The following TIMP3 variants were observed in gnomAD, a reference collection of about 807,000 sequenced individuals.
The protein encoded by TIMP3 is metalloproteinase inhibitor 3.
TIMP3 carries 11 observed loss-of-function variants against 30.0 expected under a neutral mutation model. The observed-to-expected ratio is 0.37, with a 90% CI of 0.23 to 0.61. The LOEUF is 0.61. TIMP3 is among the 20% of genes least tolerant of loss of function. TIMP3 has a pLI of 0.70. For missense variants in TIMP3, 181 were observed against 276.8 expected, an observed-to-expected ratio of 0.65 and a Z score of 2.45; for synonymous variants, 112 against 111.3, an observed-to-expected ratio of 1.01 and a Z score of -0.04.
intron 1 of TIMP3, among the ~76,000 whole-genome samples, chr22:32,815,686 T>C (rs957983955): frequency 2.0e-5 from 3 of 152,182 alleles, no homozygotes; most frequent in Admixed American, 6.5e-5. Flanking sequence ...AAATTATTAG[T>C]GTTATCATCC....
intron 1 of TIMP3, among the ~76,000 whole-genome samples, chr22:32,814,766 G>A (rs2047042948): frequency 6.6e-6 from 1 of 152,020 alleles, no homozygotes; most frequent in African/African-American, 2.4e-5. Flanking sequence ...TTTCTTACTG[G>A]GTGGCTCACA....
intron 2 of TIMP3, among the ~76,000 whole-genome samples, chr22:32,852,415 C>T (rs1312127534): frequency 6.6e-6 from 1 of 152,084 alleles, no homozygotes; most frequent in Non-Finnish European, 1.5e-5. Context: ...TTGTAATATC[C>T]TGCAAAGGGT....
chr22:32,855,755 A>G (rs2048346055), intron 2 of TIMP3, among the ~76,000 whole-genome samples: 1 of 152,216 alleles, frequency 6.6e-6, no homozygotes, highest in Admixed American at 6.5e-5. Context: ...TGTGACAACC[A>G]AAATTGTCTC....
intron 1 of TIMP3, chr22:32,833,776 A>T: frequency 4.0e-6 from 2 of 498,626 alleles, no homozygotes; most frequent in Middle Eastern, 6.4e-4. Context: ...AAGATGGGCT[A>T]ATGACAACAC....
At chr22:32,857,469 G>A in intron 3 of TIMP3, 109 bp downstream of exon 3, 1 of 843,312 alleles carries the variant, frequency 1.2e-6, no homozygotes, top group Admixed American at 1.9e-5. Flanking sequence ...CCAGTAAATT[G>A]TAAGGAGTCT....
chr22:32,820,161 G>A (rs2146052351), intron 1 of TIMP3, among the ~76,000 whole-genome samples: 1 of 152,122 alleles, frequency 6.6e-6, no homozygotes, highest in African/African-American at 2.4e-5. Flanking sequence ...CGTCTCTGAG[G>A]CTGGCTCCTG....
intron 1 of TIMP3, among the ~76,000 whole-genome samples, chr22:32,840,814 G>A (rs915010378): frequency 6.6e-6 from 1 of 152,180 alleles, no homozygotes. Context: ...GCTCTGTCCT[G>A]GCTTTCCGTC....
chr22:32,854,471 C>T (rs764792253), intron 2 of TIMP3, among the ~76,000 whole-genome samples: 1 of 152,188 alleles, frequency 6.6e-6, no homozygotes, highest in African/African-American at 2.4e-5. Flanking sequence ...ATGAGGTTCC[C>T]ATGGGCTGGG....
chr22:32,836,618 G>A (rs1029307343), intron 1 of TIMP3, among the ~76,000 whole-genome samples: 25 of 152,140 alleles, frequency 1.6e-4, no homozygotes, highest in African/African-American at 5.1e-4. Context: ...GTATGGGCTC[G>A]TTTTTCTCGT....
chr22:32,814,337 AAG>A (rs130282), intron 1 of TIMP3, among the ~76,000 whole-genome samples: 397 of 25,374 alleles, frequency 0.016, 1 homozygote, highest in Non-Finnish European at 0.019. Context: ...GAAAGAAAGA[AAG>A]AGAAAGAAAG....
intron 1 of TIMP3, among the ~76,000 whole-genome samples, chr22:32,822,464 G>A (rs890485873): frequency 5.9e-5 from 9 of 152,214 alleles, no homozygotes; most frequent in African/African-American, 2.2e-4. Flanking sequence ...CAACTGGTGT[G>A]ACGTCTGGGG....
intron 1 of TIMP3, among the ~76,000 whole-genome samples, chr22:32,831,538 T>C (rs115969999): frequency 0.012 from 1,763 of 152,256 alleles, 35 homozygotes; most frequent in African/African-American, 0.04. Context: ...CTGGTCCCCA[T>C]GGAGATGCTA....
At position 32,835,363 on chromosome 22, in the gene TIMP3, G is replaced by A. The variant is rs893240037; in HGVS notation, c.122-14089G>A. On this transcript the variant is annotated intron_variant, in intron 1 of 4. Transcript: ENST00000266085. ...AATTTAGTGAGTGTATGGGGGCAGG[G>A]AAGAAAGAGGATGAGACATGATTCA... Among the ~76,000 whole-genome samples the A allele has an allele frequency of 4.6e-5, 7 of 152,292 alleles. No individual in the cohort carries two copies. In the East Asian group the frequency reaches 5.8e-4, roughly 13 times the overall value.
At chr22:32,807,362 A>ATTATATATAATATATATTATATATAATAT (rs1569239675) in intron 1 of TIMP3, among the ~76,000 whole-genome samples, 9 of 4,976 alleles carry the variant, frequency 1.8e-3, no homozygotes, top group African/African-American at 4.1e-3. Flanking sequence ...TATAATATAT[A>ATTATATATAATATATATTATATATAATAT]ATATATATTA....
chr22:32,849,363 C>T (rs776305452), intron 1 of TIMP3, 89 bp from the exon 2 acceptor site: 12 of 1,127,604 alleles, frequency 1.1e-5, no homozygotes, highest in Non-Finnish European at 1.6e-5. Flanking sequence ...TTCCAGGCTC[C>T]ACAGAGGCTA....
At chr22:32,844,712 CT>C (rs1376474600) in intron 1 of TIMP3, among the ~76,000 whole-genome samples, 284 of 143,508 alleles carry the variant, frequency 2.0e-3, no homozygotes, top group Middle Eastern at 3.6e-3. Flanking sequence ...CTTCTTCTTC[CT>C]TTTTTTTTTT....
At chr22:32,840,012 T>C (rs967487029) in intron 1 of TIMP3, among the ~76,000 whole-genome samples, 6 of 151,330 alleles carry the variant, frequency 4.0e-5, no homozygotes, top group African/African-American at 1.5e-4. Flanking sequence ...CCCCGGGAGG[T>C]CCAGGACAGG....
chr22:32,852,322 C>T (rs563495006), intron 2 of TIMP3, among the ~76,000 whole-genome samples: 1 of 152,290 alleles, frequency 6.6e-6, no homozygotes, highest in African/African-American at 2.4e-5. Context: ...TAAATGCCCA[C>T]TCCATATGTT....
intron 1 of TIMP3, among the ~76,000 whole-genome samples, chr22:32,804,056 A>G (rs1438272794): frequency 2.0e-5 from 3 of 152,232 alleles, no homozygotes; most frequent in African/African-American, 7.2e-5. Flanking sequence ...GATTGAAACA[A>G]GAAATAGCTC....
Sources: gnomAD v4.1 joint callset for allele counts (sites outside exome capture counted in the v4.1 genomes callset) on GRCh38, gnomAD v4.1.1 for gene constraint, MANE v1.5 for transcripts, NCBI Gene and HGNC (gene_info 2026-07-23, HGNC 2026-07-21) for gene names.